Variants in FREM2 observed in about 807,000 individuals in gnomAD.
The protein encoded by FREM2 is FRAS1 related extracellular matrix 2, also known as FRAS1-related extracellular matrix protein 2.
A neutral mutation model predicts 219.9 loss-of-function variants in FREM2; 119 were observed. The observed-to-expected ratio is 0.54, with a 90% CI of 0.47 to 0.63. FREM2 has a LOEUF of 0.63. Among genes scored for constraint, FREM2 ranks in the 30% least tolerant of loss-of-function variants. FREM2 has a pLI of 0.00. For synonymous variants in FREM2, 1,562 were observed against 1,522.8 expected (o/e 1.03, Z -0.60); for missense variants, 4,030 against 3,993.6 (o/e 1.01, Z -0.25).
chr13:38,723,172 T>C (rs1193241638), intron 2 of FREM2, among the ~76,000 whole-genome samples: 1 of 151,840 alleles, frequency 6.6e-6, no homozygotes, highest in African/African-American at 2.4e-5. Flanking sequence ...GAGGTGGAGG[T>C]TGCAGTGAGC....
intron 18 of FREM2, among the ~76,000 whole-genome samples, chr13:38,874,914 A>C (rs1237047999): frequency 3.3e-5 from 5 of 152,204 alleles, no homozygotes; most frequent in African/African-American, 9.6e-5. Flanking sequence ...CCATTGTACA[A>C]ATCGAATTGC....
intron 6 of FREM2, among the ~76,000 whole-genome samples, chr13:38,805,392 G>C (rs963523990): frequency 1.3e-5 from 2 of 151,778 alleles, no homozygotes; most frequent in Non-Finnish European, 2.9e-5. Context: ...AAAAAACTGA[G>C]GTACCATTAT....
intron 6 of FREM2, among the ~76,000 whole-genome samples, chr13:38,819,879 C>T (rs1439313485): frequency 6.6e-6 from 1 of 152,116 alleles, no homozygotes; most frequent in African/African-American, 2.4e-5. Flanking sequence ...CAGCACACTT[C>T]ATATTATACT....
chr13:38,840,040 A>C (rs1047463776), intron 6 of FREM2, among the ~76,000 whole-genome samples: 3 of 152,090 alleles, frequency 2.0e-5, no homozygotes, highest in African/African-American at 7.2e-5. Context: ...TGTCTGTCCA[A>C]ATGGCCACCC....
At chr13:38,698,192 T>C (rs1870195228) in intron 2 of FREM2, among the ~76,000 whole-genome samples, 1 of 152,162 alleles carries the variant, frequency 6.6e-6, no homozygotes, top group South Asian at 2.1e-4. Flanking sequence ...TTTTTCCTGA[T>C]TTGCTCATGG....
In FREM2 at chr13:38,687,757, A is replaced by C; in HGVS notation, c.413A>C (p.Tyr138Ser). The C allele has an allele frequency of 5.2e-6, 8 of 1,543,324 alleles. No individual in the cohort carries two copies. The highest frequency in any genetic ancestry group is 7.0e-6 in the Non-Finnish European group (8 of 1,142,206). Residue 138 changes from tyrosine (Y) to serine (S), a missense_variant, in exon 1 of 24, where the codon TAC becomes TCC. Physicochemically the swap from Tyr to Ser is moderately radical, Grantham distance 144. Transcript: ENST00000280481. ...GACTTTGGCCCTGGCGAGGTGCGCT[A>C]CTCTCACCTGGGCGCGCGCAGCCCG... ...PCDFGPGEVRYSHLGARSPSR... is the reference protein window; with the variant it reads ...PCDFGPGEVRSSHLGARSPSR...
intron 2 of FREM2, among the ~76,000 whole-genome samples, chr13:38,729,467 T>C (rs77258982): frequency 0.051 from 7,786 of 152,248 alleles, 641 homozygotes; most frequent in African/African-American, 0.17. Context: ...ATCATTAAGA[T>C]TGTGATTTTT....
At chr13:38,779,400 A>G (rs1458121771) in intron 4 of FREM2, 1 of 135,464 alleles carries the variant, frequency 7.4e-6, no homozygotes, top group Non-Finnish European at 1.7e-5. Context: ...AAATTTTTTA[A>G]AAAAAGAATA....
At chr13:38,716,537 G>C (rs1170068709) in intron 2 of FREM2, among the ~76,000 whole-genome samples, 1 of 151,856 alleles carries the variant, frequency 6.6e-6, no homozygotes, top group Non-Finnish European at 1.5e-5. Context: ...TTTGGAGACA[G>C]AGTCTTGCTC....
In FREM2 at chr13:38,722,012, A is replaced by T. The variant is rs148687953; in HGVS notation, c.5263+24225A>T. ...CCCTGGTACTGGGACACAAACATTG[A>T]TTTTTGTTGTTGTTGTTTCTTTTTA... On this transcript the variant is annotated intron_variant, in intron 2 of 23. Coordinates refer to ENST00000280481, the MANE Select transcript of FREM2 (RefSeq NM_207361.6). Among the ~76,000 whole-genome samples the T allele has an allele frequency of 4.0e-3, 604 of 152,048 alleles. 4 individuals are homozygous for T. The highest frequency in any genetic ancestry group is 0.014 in the African/African-American group (582 of 41,454).
At chr13:38,784,228 AT>A in intron 5 of FREM2, among the ~76,000 whole-genome samples, 1 of 152,268 alleles carries the variant, frequency 6.6e-6, no homozygotes, top group Non-Finnish European at 1.5e-5. Context: ...GGAGACAAGT[AT>A]TTGAAGCACT....
In FREM2 at chr13:38,697,233, A is replaced by G. The variant is rs184166669; in HGVS notation, c.5174-465A>G. Among the ~76,000 whole-genome samples the G allele has an allele frequency of 7.9e-5, 12 of 152,306 alleles. No individual in the cohort carries two copies. In the East Asian group the frequency reaches 2.1e-3, roughly 27 times the overall value. On this transcript the variant is annotated intron_variant, in intron 1 of 23. Coordinates refer to ENST00000280481, the MANE Select transcript of FREM2 (RefSeq NM_207361.6). ...GAGAGCTTAAAAAATAGCCTGCTAC[A>G]GCACAAAAAGTAAGAAAAGTTAGCC...
chr13:38,745,096 TA>T (rs1175259013), intron 2 of FREM2, among the ~76,000 whole-genome samples: 1 of 152,174 alleles, frequency 6.6e-6, no homozygotes, highest in Non-Finnish European at 1.5e-5. Flanking sequence ...ATCCTAACAT[TA>T]AGGTAATGTC....
intron 2 of FREM2, among the ~76,000 whole-genome samples, chr13:38,741,990 G>C (rs185725316): frequency 6.6e-6 from 1 of 152,168 alleles, no homozygotes; most frequent in Non-Finnish European, 1.5e-5. Context: ...AATACACTAT[G>C]AGTAAACAAC....
intron 6 of FREM2, among the ~76,000 whole-genome samples, chr13:38,837,454 G>C (rs1344037223): frequency 6.6e-6 from 1 of 152,124 alleles, no homozygotes; most frequent in Non-Finnish European, 1.5e-5. Context: ...TGTTTATTAG[G>C]CCTGCTTGGT....
chr13:38,777,245 G>T (rs1040681774), intron 4 of FREM2, among the ~76,000 whole-genome samples: 2 of 151,960 alleles, frequency 1.3e-5, no homozygotes, highest in East Asian at 1.9e-4. Context: ...TTCTAACTTC[G>T]TTTTTTCTGA....
At chr13:38,864,921 A>T (rs1346034380) in intron 16 of FREM2, among the ~76,000 whole-genome samples, 1 of 152,212 alleles carries the variant, frequency 6.6e-6, no homozygotes, top group Non-Finnish European at 1.5e-5. Context: ...ACTTCTCTTC[A>T]AAGTATACAC....
In FREM2 at chr13:38,692,135, G is replaced by T; in HGVS notation, c.4791G>T (p.Leu1597Phe). Residue 1597 changes from leucine (L) to phenylalanine (F), a missense_variant, in exon 1 of 24, where the codon TTG becomes TTT. Physicochemically the swap from Leu to Phe is conservative, Grantham distance 22. Coordinates refer to ENST00000280481, the MANE Select transcript of FREM2 (RefSeq NM_207361.6). ...TCATGGTTTTTACCAAGCAAGACTTGAATGAAAACTTAATCAGCTACAAAC... is the reference window on the plus strand; with the variant it reads ...TCATGGTTTTTACCAAGCAAGACTTTAATGAAAACTTAATCAGCTACAAAC... ...RPVMVFTKQD[L>F]NENLISYKHD... 6.2e-7 allele frequency: 1 copy of T among 1,614,200 alleles called. No homozygotes were observed. The highest frequency in any genetic ancestry group is 8.5e-7 in the Non-Finnish European group (1 of 1,180,042).
intron 6 of FREM2, among the ~76,000 whole-genome samples, chr13:38,796,700 G>A (rs192392762): frequency 1.3e-5 from 2 of 152,060 alleles, no homozygotes; most frequent in African/African-American, 2.4e-5. Context: ...CCATATATTT[G>A]CTATTATAAA....
Sources: allele counts gnomAD v4.1 joint callset (sites outside exome capture counted in the v4.1 genomes callset), GRCh38; gene constraint gnomAD v4.1.1; transcripts MANE v1.5; gene names NCBI Gene and HGNC (gene_info 2026-07-23, HGNC 2026-07-21).